The following NUP98 variants were observed in gnomAD, a reference collection of about 807,000 sequenced individuals.
NUP98 encodes nuclear pore complex protein Nup98-Nup96.
A neutral mutation model predicts 191.9 loss-of-function variants in NUP98; 26 were observed. The ratio of observed to expected loss-of-function variants is 0.14; its 90% CI spans 0.10 to 0.19. The LOEUF is 0.19. Ranked by LOEUF, NUP98 falls within the 10% of genes least tolerant of loss-of-function variation. NUP98 has a pLI of 1.00. For synonymous variants in NUP98, 808 were observed against 778.4 expected, an observed-to-expected ratio of 1.04 and a Z score of -0.63; for missense variants, 1,941 against 2,178.8, an observed-to-expected ratio of 0.89 and a Z score of 2.17.
At chr11:3,726,036 T>C (rs552034757) in intron 14 of NUP98, among the ~76,000 whole-genome samples, 21 of 152,222 alleles carry the variant, frequency 1.4e-4, no homozygotes, top group African/African-American at 4.8e-4. Flanking sequence ...TGGTCTAACT[T>C]AGCCTAATGT....
intron 20 of NUP98, chr11:3,711,961 A>G (rs2079032710): frequency 9.6e-7 from 1 of 1,044,318 alleles, no homozygotes; most frequent in South Asian, 4.6e-5. Flanking sequence ...CTTTACAAAG[A>G]AATCCCGTAT....
rs541398083 is a variant in NUP98 at position 3,793,392 on chromosome 11, C to T, written c.-29+4008G>A. On this transcript the variant is annotated intron_variant, in intron 1 of 32. Transcript: ENST00000324932. ...GCAACCTCTGCCTCCTGGGTTCAAGCGATTCTCTGCCTCAGCCTCCCAGTA... is the reference window on the plus strand; with the variant it reads ...GCAACCTCTGCCTCCTGGGTTCAAGTGATTCTCTGCCTCAGCCTCCCAGTA... 3.9e-5 allele frequency among the ~76,000 whole-genome samples: 6 copies of T among 152,026 alleles called. No homozygotes were observed. In the East Asian group the frequency reaches 7.9e-4, roughly 20 times the overall value.
intron 1 of NUP98, among the ~76,000 whole-genome samples, chr11:3,789,115 A>ATTG (rs1468679678): frequency 3.3e-5 from 5 of 152,302 alleles, no homozygotes; most frequent in African/African-American, 1.2e-4. Flanking sequence ...AACAATAGGG[A>ATTG]TTGTACAGCC....
chr11:3,676,698 AC>A, intron 31 of NUP98, 78 bp from the exon 32 acceptor site: 1 of 1,122,102 alleles, frequency 8.9e-7, no homozygotes, highest in Non-Finnish European at 1.4e-6. Flanking sequence ...TCTACACAAA[AC>A]CTTGAAACAA....
At chr11:3,754,989 T>G (rs959680561) in intron 10 of NUP98, among the ~76,000 whole-genome samples, 1 of 148,170 alleles carries the variant, frequency 6.7e-6, no homozygotes, top group African/African-American at 2.5e-5. Context: ...ACAAAGATCC[T>G]ATTCTGTACT....
chr11:3,772,187 C>T (rs1359504638), intron 6 of NUP98, among the ~76,000 whole-genome samples: 1 of 152,050 alleles, frequency 6.6e-6, no homozygotes, highest in Admixed American at 6.6e-5. Context: ...AAACAATACA[C>T]TCTTTTGGTA....
intron 12 of NUP98, among the ~76,000 whole-genome samples, chr11:3,738,805 A>G (rs1055445813): frequency 5.3e-5 from 8 of 150,132 alleles, no homozygotes; most frequent in African/African-American, 1.5e-4. Flanking sequence ...AAAAGGAAAG[A>G]AAGAAAAGAA....
At position 3,729,715 on chromosome 11, in the gene NUP98, C is replaced by CAAAAAAAAAAAAAAAAAAAAAAAA. The variant is rs755816362; in HGVS notation, c.1730+1652_1730+1675dup. 7.8e-4 allele frequency among the ~76,000 whole-genome samples: 29 copies of CAAAAAAAAAAAAAAAAAAAAAAAA among 37,408 alleles called. 3 individuals are homozygous for CAAAAAAAAAAAAAAAAAAAAAAAA. Among genetic ancestry groups the CAAAAAAAAAAAAAAAAAAAAAAAA allele is most frequent in the Admixed American group, 1.7e-3 (4 of 2,402 alleles). The allele number at this position is 37,408 out of a possible 152,430, so 24.5% of individuals were successfully genotyped here. On this transcript the variant is annotated intron_variant, in intron 14 of 32. Transcript: ENST00000324932. ...GGGCAATGGCATAAGACTCTTGCCT[C>CAAAAAAAAAAAAAAAAAAAAAAAA]AAAAAAAAAAAAAAAAAAAAAAAAA...
At position 3,675,395 on chromosome 11, in the gene NUP98, T is replaced by C; in HGVS notation, c.*764A>G. The stretch of plus-strand genomic sequence containing the variant: ...AACCTGCCATTTTTTATCCAAACTC[T>C]GCAGGCAAATCCAGACAGAGTCTCA... On this transcript the variant is annotated 3_prime_UTR_variant, in exon 33 of 33. Transcript: ENST00000324932. 4.4e-6 allele frequency: 1 copy of C among 224,748 alleles called. No homozygotes were observed. The highest frequency in any genetic ancestry group is 5.7e-5 in the Admixed American group (1 of 17,526). The allele number at this position is 224,748 out of a possible 1,614,324, so 13.9% of individuals were successfully genotyped here.
intron 9 of NUP98, 142 bp from the exon 10 acceptor site, chr11:3,760,768 T>C: frequency 3.3e-6 from 2 of 603,376 alleles, no homozygotes; most frequent in Admixed American, 3.3e-5. Context: ...AGAAAAAAGA[T>C]GAATAAAGGC....
chr11:3,727,397 A>G (rs2079660766), intron 14 of NUP98, among the ~76,000 whole-genome samples: 1 of 152,134 alleles, frequency 6.6e-6, no homozygotes, highest in Non-Finnish European at 1.5e-5. Context: ...AAATTTTACA[A>G]AGTTAATCCT....
intron 9 of NUP98, among the ~76,000 whole-genome samples, chr11:3,761,619 C>T (rs112853237): frequency 0.014 from 2,089 of 152,236 alleles, 45 homozygotes; most frequent in African/African-American, 0.048. Context: ...ATCAGCTGGG[C>T]GCAGTGGCGG....
chr11:3,760,483 T>A, intron 10 of NUP98, 56 bp downstream of exon 10: 1 of 1,613,968 alleles, frequency 6.2e-7, no homozygotes, highest in Non-Finnish European at 8.5e-7. Flanking sequence ...GCTTTTTATA[T>A]GTACCAAAAT....
Position 3,676,196 on chromosome 11 carries a change from T to C in NUP98, c.5366A>G (p.Gln1789Arg), listed in dbSNP as rs933574495. ...YAMDELRSLT[Q>R]SYLRELAVGS... ...AACAGCCAGTTCTCGCAGATAGGAC[T>C]GGGTAAGGCTGCGCAGTTCGTCCAT... The change falls in exon 33 of 33, where the codon CAG (glutamine) becomes CGG (arginine). Residue 1789 changes from glutamine (Q) to arginine (R), a missense_variant. Physicochemically the swap from Gln to Arg is conservative, Grantham distance 43. Around this residue, in one of 6 missense-constraint regions of NUP98, gnomAD observed 1,030 missense variants for 1,115.8 expected, o/e 0.92. Coordinates refer to ENST00000324932, the MANE Select transcript of NUP98 (RefSeq NM_016320.5). 1 of 1,614,070 alleles carries C rather than the reference T, an allele frequency of 6.2e-7. No homozygotes were observed. The highest frequency in any genetic ancestry group is 8.5e-7 in the Non-Finnish European group (1 of 1,180,030).
At chr11:3,769,992 G>A (rs1331915262) in intron 7 of NUP98, among the ~76,000 whole-genome samples, 2 of 145,932 alleles carry the variant, frequency 1.4e-5, no homozygotes, top group South Asian at 2.2e-4. Flanking sequence ...GCAGTGAGCC[G>A]AGATCACACC....
chr11:3,721,204 C>T (rs1002721410), intron 16 of NUP98, among the ~76,000 whole-genome samples: 2 of 152,124 alleles, frequency 1.3e-5, no homozygotes, highest in African/African-American at 4.8e-5. Context: ...CTGAGAAAAG[C>T]TTAATCAGCT....
chr11:3,676,085 G>A lies in NUP98; in HGVS notation c.*74C>T. 7 of 1,425,198 alleles carry A rather than the reference G, an allele frequency of 4.9e-6. No individual in the cohort carries two copies. Among genetic ancestry groups the A allele is most frequent in the Non-Finnish European group, 5.8e-6 (6 of 1,034,304 alleles). The allele number at this position is 1,425,198 out of a possible 1,614,324, so 88.3% of individuals were successfully genotyped here. A position where few individuals can be genotyped will look rare whatever the true frequency, so the allele number is the denominator to read the frequency against. On this transcript the variant is annotated 3_prime_UTR_variant, in exon 33 of 33. Transcript: ENST00000324932. ...GCCAACCCAGAGAATGGCAAACAGT[G>A]CCAATCCAAACAAGGCAGGGAACCT... is the stretch of plus-strand genomic sequence containing the variant.
rs561292064 is a variant in NUP98 at position 3,758,308 on chromosome 11, G to A, written c.1174+2231C>T. On this transcript the variant is annotated intron_variant, in intron 10 of 32. Transcript: ENST00000324932. ...TGCACTCCCGCCTGGGAGACAGAGC[G>A]AGACTCCGTCTCAAAAAAAAAAAAA... Among the ~76,000 whole-genome samples, 19 of 148,040 alleles carry A rather than the reference G, an allele frequency of 1.3e-4. No homozygotes were observed. The East Asian group carries it at 1.8e-3, about 14-fold the overall frequency.
rs542286815 is a variant in NUP98 at position 3,772,537 on chromosome 11, C to T, written c.604-609G>A. Among the ~76,000 whole-genome samples the T allele has an allele frequency of 6.6e-5, 10 of 152,144 alleles. No homozygotes were observed. In the Middle Eastern group the frequency reaches 0.01, roughly 155 times the overall value. ...CAGCCATTAAAAAGTACATAATGTG[C>T]CTGGGTGCTGCAGCTCATGCCTGTA... On this transcript the variant is annotated intron_variant, in intron 6 of 32. Coordinates refer to ENST00000324932, the MANE Select transcript of NUP98 (RefSeq NM_016320.5).
Sources: allele counts gnomAD v4.1 joint callset (sites outside exome capture counted in the v4.1 genomes callset), GRCh38; gene constraint gnomAD v4.1.1; regional missense constraint gnomAD v4.1.1; transcripts MANE v1.5; gene names NCBI Gene and HGNC (gene_info 2026-07-23, HGNC 2026-07-21).